Variants in DPP6 observed in about 807,000 individuals in gnomAD.
DPP6 encodes dipeptidyl peptidase like 6.
In DPP6, 69 loss-of-function variants were observed where a neutral mutation model predicts 122.6. That is an observed-to-expected ratio of 0.56 (90% CI 0.46 to 0.69). The LOEUF is 0.69. Among genes scored for constraint, DPP6 ranks in the 30% least tolerant of loss-of-function variants. The pLI is 0.00. For synonymous variants in DPP6, 418 were observed against 433.1 expected (o/e 0.97, Z 0.43); for missense variants, 928 against 1,116.9 (o/e 0.83, Z 2.41).
At chr7:154,634,128 A>C (rs1835575707) in intron 5 of DPP6, among the ~76,000 whole-genome samples, 2 of 149,128 alleles carry the variant, frequency 1.3e-5, no homozygotes, top group Non-Finnish European at 3.0e-5. Flanking sequence ...TGTCATTTAC[A>C]TTAGGTATAT....
chr7:154,686,734 T>G (rs1382651251), intron 7 of DPP6, among the ~76,000 whole-genome samples: 1 of 152,212 alleles, frequency 6.6e-6, no homozygotes. Flanking sequence ...CTTGTATGTC[T>G]CCTTTTCCAG....
chr7:154,285,997 T>A (rs899717769), intron 1 of DPP6, among the ~76,000 whole-genome samples: 1 of 152,252 alleles, frequency 6.6e-6, no homozygotes, highest in Non-Finnish European at 1.5e-5. Context: ...TTTTTCCCTG[T>A]CATACTGAAA....
At chr7:154,078,860 C>T (rs1451629489) in intron 1 of DPP6, among the ~76,000 whole-genome samples, 1 of 148,500 alleles carries the variant, frequency 6.7e-6, no homozygotes, top group African/African-American at 2.5e-5. Flanking sequence ...TTTTATTTTC[C>T]TTCCAAAATG....
intron 17 of DPP6, among the ~76,000 whole-genome samples, chr7:154,857,644 G>C (rs1802951515): frequency 6.6e-6 from 1 of 152,208 alleles, no homozygotes; most frequent in Admixed American, 6.5e-5. Context: ...GGTGCATCTT[G>C]GATGAGAAGG....
chr7:153,885,493 G>A (rs1798877558), upstream of DPP6, among the ~76,000 whole-genome samples: 1 of 151,586 alleles, frequency 6.6e-6, no homozygotes. Flanking sequence ...ACCATGTGAT[G>A]CACACTGAGA....
At chr7:154,767,632 C>T (rs892294700) in intron 8 of DPP6, among the ~76,000 whole-genome samples, 3 of 152,160 alleles carry the variant, frequency 2.0e-5, no homozygotes, top group Non-Finnish European at 2.9e-5. Flanking sequence ...GTGAGACAGA[C>T]GCAGAGGGGA....
intron 1 of DPP6, chr7:154,095,355 G>C (rs146452377): frequency 7.0e-6 from 1 of 142,732 alleles, no homozygotes; most frequent in African/African-American, 2.5e-5. Context: ...ACCCACTACC[G>C]TAACTGTGAC....
intron 5 of DPP6, among the ~76,000 whole-genome samples, chr7:154,622,864 C>T: frequency 6.6e-6 from 1 of 152,202 alleles, no homozygotes; most frequent in Non-Finnish European, 1.5e-5. Flanking sequence ...CTTCTCTGGT[C>T]ACTTTCATCC....
chr7:153,928,395 C>CCTTTTTTTTTTTT lies in DPP6; in HGVS notation c.51+40661_51+40662insCTTTTTTTTTTTT, dbSNP rs1467865041. On this transcript the variant is annotated intron_variant, in intron 1 of 25. Transcript: ENST00000404039. The stretch of plus-strand genomic sequence containing the variant: ...CCTGGCTAATTTTTTTCTTTTCTTT[C>CCTTTTTTTTTTTT]ATTTTTTTTTTTTTTTTTTTTTTTT... 1.3e-4 allele frequency among the ~76,000 whole-genome samples: 4 copies of CCTTTTTTTTTTTT among 29,992 alleles called. 1 individual carries two copies. The highest frequency in any genetic ancestry group is 2.6e-4 in the Non-Finnish European group (4 of 15,292). 19.7% of individuals were successfully genotyped at this position (29,992 alleles called of 152,430 possible).
upstream of DPP6, among the ~76,000 whole-genome samples, chr7:154,048,449 GC>G (rs1268181176): frequency 1.2e-5 from 1 of 83,308 alleles, no homozygotes; most frequent in Non-Finnish European, 2.4e-5. Context: ...AACCAAACAT[GC>G]TTTGAGAGAT....
intron 1 of DPP6, among the ~76,000 whole-genome samples, chr7:154,013,458 C>CTTTTTTTTTT (rs776460630): frequency 7.9e-6 from 1 of 127,362 alleles, no homozygotes; most frequent in South Asian, 2.5e-4. Flanking sequence ...GGTTTCTTTT[C>CTTTTTTTTTT]TTTTTTTTTT....
At chr7:154,592,112 A>G (rs1483951054) in intron 5 of DPP6, among the ~76,000 whole-genome samples, 1 of 152,068 alleles carries the variant, frequency 6.6e-6, no homozygotes, top group African/African-American at 2.4e-5. Context: ...CCAGCTACAG[A>G]TGGACTTTGA....
chr7:154,369,535 A>C (rs1477782956), intron 1 of DPP6, among the ~76,000 whole-genome samples: 1 of 151,946 alleles, frequency 6.6e-6, no homozygotes, highest in Non-Finnish European at 1.5e-5. Context: ...CGCCCGGCTA[A>C]TTTTTGTATT....
the DPP6 span, among the ~76,000 whole-genome samples, chr7:153,864,397 C>A: frequency 2.1e-4 from 32 of 152,166 alleles, no homozygotes; most frequent in African/African-American, 7.7e-4. Context: ...GCTCACACTT[C>A]TAATCCCAGC....
intron 1 of DPP6, among the ~76,000 whole-genome samples, chr7:154,068,153 A>C (rs1585305785): frequency 6.6e-6 from 1 of 152,108 alleles, no homozygotes; most frequent in Non-Finnish European, 1.5e-5. Context: ...CAGCTGCAGC[A>C]TGTCCTTAGG....
chr7:154,194,492 T>C (rs1450644596), intron 1 of DPP6, among the ~76,000 whole-genome samples: 1 of 152,202 alleles, frequency 6.6e-6, no homozygotes, highest in East Asian at 1.9e-4. Flanking sequence ...ATGCTGAATG[T>C]GTGTGTCTCT....
At chr7:154,415,843 C>T (rs1222456921) in intron 1 of DPP6, among the ~76,000 whole-genome samples, 2 of 151,174 alleles carry the variant, frequency 1.3e-5, no homozygotes, top group Non-Finnish European at 2.9e-5. Context: ...CCAAAAATGA[C>T]AGGGATTTCA....
chr7:154,525,968 G>A (rs186497557), intron 3 of DPP6, among the ~76,000 whole-genome samples: 16 of 152,288 alleles, frequency 1.1e-4, no homozygotes, highest in Admixed American at 1.0e-3. Flanking sequence ...AGAAAAGGAT[G>A]TAGTTATCAT....
chr7:154,633,114 A>C (rs1339817480), intron 5 of DPP6, among the ~76,000 whole-genome samples: 1 of 152,228 alleles, frequency 6.6e-6, no homozygotes, highest in Non-Finnish European at 1.5e-5. Flanking sequence ...CATATTCATG[A>C]ACTTCTAAAA....
Sources: allele counts gnomAD v4.1 joint callset (sites outside exome capture counted in the v4.1 genomes callset), GRCh38; gene constraint gnomAD v4.1.1; transcripts MANE v1.5; gene names NCBI Gene and HGNC (gene_info 2026-07-23, HGNC 2026-07-21).